Variants in DOCK3 observed in about 807,000 individuals in gnomAD.
The protein encoded by DOCK3 is dedicator of cytokinesis protein 3.
In DOCK3, 60 loss-of-function variants were observed where a neutral mutation model predicts 265.6. The observed-to-expected ratio is 0.23, with a 90% CI of 0.18 to 0.28. The LOEUF (loss-of-function observed/expected upper bound fraction) is 0.28, where lower values mean the gene tolerates loss of function less well. Among genes scored for constraint, DOCK3 ranks in the 10% least tolerant of loss-of-function variants. The pLI, the probability that DOCK3 is intolerant of heterozygous loss-of-function variation, is 1.00. For missense variants in DOCK3, 1,981 were observed against 2,594.3 expected, an observed-to-expected ratio of 0.76 and a Z score of 5.14; for synonymous variants, 881 against 938.0, an observed-to-expected ratio of 0.94 and a Z score of 1.11.
At chr3:50,978,708 G>T (rs1390706512) in intron 5 of DOCK3, among the ~76,000 whole-genome samples, 4 of 152,240 alleles carry the variant, frequency 2.6e-5, no homozygotes, top group African/African-American at 9.6e-5. Context: ...GTTTACCTAA[G>T]CAAGCCTGGG....
intron 27 of DOCK3, among the ~76,000 whole-genome samples, chr3:51,288,341 A>G (rs1280167762): frequency 6.6e-6 from 1 of 150,832 alleles, no homozygotes; most frequent in Non-Finnish European, 1.5e-5. Flanking sequence ...GCAGTGAGCC[A>G]AGATCGTAGC....
intron 2 of DOCK3, among the ~76,000 whole-genome samples, chr3:50,807,531 A>C (rs562019298): frequency 6.6e-6 from 1 of 152,144 alleles, no homozygotes; most frequent in Non-Finnish European, 1.5e-5. Context: ...TGGGAGTACA[A>C]ATATTCAAAC....
At chr3:51,154,330 G>A (rs141913603) in intron 10 of DOCK3, among the ~76,000 whole-genome samples, 75 of 152,348 alleles carry the variant, frequency 4.9e-4, no homozygotes, top group African/African-American at 1.8e-3. Flanking sequence ...ATAATGCAAG[G>A]AGAAAGAACA....
At chr3:50,796,918 T>C (rs2042820727) in intron 2 of DOCK3, among the ~76,000 whole-genome samples, 1 of 152,084 alleles carries the variant, frequency 6.6e-6, no homozygotes. Context: ...TGACTTTTGT[T>C]GTATCCTGAC....
chr3:51,267,292 T>A (rs1388895010), intron 23 of DOCK3, among the ~76,000 whole-genome samples: 1 of 152,122 alleles, frequency 6.6e-6, no homozygotes, highest in East Asian at 1.9e-4. Flanking sequence ...TAGAAATACA[T>A]GTGACCCAGC....
chr3:51,195,848 T>TA (rs2088263975), intron 12 of DOCK3, among the ~76,000 whole-genome samples: 1 of 152,360 alleles, frequency 6.6e-6, no homozygotes, highest in Admixed American at 6.5e-5. Context: ...GGAAAAGATT[T>TA]TATTTCTCTT....
chr3:51,000,908 C>T (rs2078461844), intron 5 of DOCK3, among the ~76,000 whole-genome samples: 1 of 152,258 alleles, frequency 6.6e-6, no homozygotes, highest in Admixed American at 6.5e-5. Context: ...CTGCCTTGGC[C>T]TCCCAAAGTG....
At chr3:51,284,374 A>G (rs2081297174) in intron 27 of DOCK3, among the ~76,000 whole-genome samples, 1 of 152,210 alleles carries the variant, frequency 6.6e-6, no homozygotes. Flanking sequence ...TATGCCATGC[A>G]TCAAGTACGC....
intron 1 of DOCK3, among the ~76,000 whole-genome samples, chr3:50,758,203 A>C (rs1394971388): frequency 2.7e-5 from 4 of 149,912 alleles, no homozygotes; most frequent in Admixed American, 6.7e-5. Flanking sequence ...AAAAGAAAAA[A>C]AAAAAGAAAA....
At chr3:51,235,092 A>C (rs2078298436) in intron 19 of DOCK3, among the ~76,000 whole-genome samples, 1 of 152,244 alleles carries the variant, frequency 6.6e-6, no homozygotes, top group African/African-American at 2.4e-5. Flanking sequence ...CCATTAACTC[A>C]ATAATACACA....
intron 20 of DOCK3, among the ~76,000 whole-genome samples, chr3:51,236,664 C>G (rs1256192691): frequency 6.6e-6 from 1 of 152,170 alleles, no homozygotes; most frequent in Non-Finnish European, 1.5e-5. Context: ...GATCTTCCAT[C>G]TCATCACTAT....
At chr3:50,750,917 A>G (rs2039757499) in intron 1 of DOCK3, among the ~76,000 whole-genome samples, 1 of 152,214 alleles carries the variant, frequency 6.6e-6, no homozygotes, top group Non-Finnish European at 1.5e-5. Context: ...AAAGCCAAAC[A>G]AATTATTTTT....
chr3:50,815,705 C>A (rs2044034676), intron 2 of DOCK3, among the ~76,000 whole-genome samples: 1 of 151,886 alleles, frequency 6.6e-6, no homozygotes, highest in Admixed American at 6.6e-5. Context: ...GGTATAGAAT[C>A]CTAGGCTGGG....
intron 5 of DOCK3, among the ~76,000 whole-genome samples, chr3:50,944,661 A>G (rs1575587143): frequency 6.6e-6 from 1 of 152,206 alleles, no homozygotes; most frequent in East Asian, 1.9e-4. Context: ...GGAAATCTTC[A>G]TCAAAAAGCT....
chr3:51,270,711 A>G (rs2080448560), intron 23 of DOCK3, 104 bp from the exon 24 acceptor site: 2 of 1,212,554 alleles, frequency 1.6e-6, no homozygotes, highest in Admixed American at 2.5e-5. Flanking sequence ...CAGAGATGCT[A>G]CAGTGCCTTC....
Position 51,381,515 on chromosome 3 carries a change from G to A in DOCK3, c.6049G>A (p.Glu2017Lys), listed in dbSNP as rs1471823604. The change falls in exon 53 of 53, where the codon GAG becomes AAG. Residue 2017 changes from glutamate to lysine, a missense_variant. This residue lies in a region of DOCK3 where 149 missense variants were observed against 144.7 expected (regional missense o/e 1.03). Transcript: ENST00000266037. This position sits in a 1 kb window ranked among gnomAD's most constrained non-coding sequence, Gnocchi z 5.6. ...ATTGCCTCCTGGGAGCGCTAAGGAG[G>A]AGCAGGCCCGCATGGCCTGGGAGCA... ...APLPPGSAKE[E>K]QARMAWEHGR... The A allele has an allele frequency of 3.8e-6, 6 of 1,575,838 alleles. No homozygotes were observed. Among genetic ancestry groups the A allele is most frequent in the Non-Finnish European group, 5.2e-6 (6 of 1,162,290 alleles).
chr3:51,222,645 G>A (rs2090151648), intron 14 of DOCK3, among the ~76,000 whole-genome samples: 1 of 152,116 alleles, frequency 6.6e-6, no homozygotes, highest in Admixed American at 6.6e-5. Context: ...AGCTAGGCAG[G>A]TCTGTTCTCC....
rs1333755939 is a variant in DOCK3 at position 51,338,953 on chromosome 3, A to G, written c.3691A>G (p.Ile1231Val). The stretch of plus-strand genomic sequence containing the variant: ...ATTGTAGAATTTTTACAAATCTGAG[A>G]TTAACAAGGAAGAAATGTATATCCG... Reference protein sequence around the residue: ...VNLMNFYKSEINKEEMYIRYI... With the variant: ...VNLMNFYKSEVNKEEMYIRYI... The change falls in exon 37 of 53, where the codon ATT (isoleucine) becomes GTT (valine). Residue 1231 changes from isoleucine (I) to valine (V), a missense_variant. Physicochemically the swap from Ile to Val is conservative, Grantham distance 29. Transcript: ENST00000266037. The G allele has an allele frequency of 6.2e-7, 1 of 1,609,530 alleles. No individual in the cohort carries two copies. The highest frequency in any genetic ancestry group is 1.7e-5 in the Admixed American group (1 of 59,378).
At chr3:50,869,924 T>G (rs1440018474) in intron 3 of DOCK3, among the ~76,000 whole-genome samples, 1 of 152,220 alleles carries the variant, frequency 6.6e-6, no homozygotes, top group Non-Finnish European at 1.5e-5. Context: ...TACATTTGTA[T>G]AGTTTCAACA....
Sources: gnomAD v4.1 joint callset for allele counts (sites outside exome capture counted in the v4.1 genomes callset) on GRCh38, gnomAD v4.1.1 for gene constraint, gnomAD v4.1.1 regional missense constraint, Gnocchi (gnomAD v3.1) non-coding constraint, MANE v1.5 for transcripts, NCBI Gene and HGNC (gene_info 2026-07-23, HGNC 2026-07-21) for gene names.